Variants in ARID5B observed in about 807,000 individuals in gnomAD.
ARID5B encodes AT-rich interaction domain 5B.
A neutral mutation model predicts 97.2 loss-of-function variants in ARID5B; 13 were observed. The ratio of observed to expected loss-of-function variants is 0.13; its 90% CI spans 0.09 to 0.21. The LOEUF is 0.21. Ranked by LOEUF, ARID5B falls within the 10% of genes least tolerant of loss-of-function variation. The probability of loss-of-function intolerance (pLI) is 1.00; values close to 1 mark genes in which losing one functional copy is unlikely to be tolerated. For missense variants in ARID5B, 1,210 were observed against 1,465.3 expected, an observed-to-expected ratio of 0.83 and a Z score of 2.84; for synonymous variants, 556 against 570.3, an observed-to-expected ratio of 0.97 and a Z score of 0.36.
chr10:62,041,737 G>C (rs1049949151), intron 4 of ARID5B, among the ~76,000 whole-genome samples: 16 of 152,164 alleles, frequency 1.1e-4, no homozygotes, highest in African/African-American at 3.4e-4. Context: ...TCTGTAGAGA[G>C]GTAGCAAATC....
Position 62,093,158 on chromosome 10 carries a change from T to TA in ARID5B, c.*129dup. On this transcript the variant is annotated 3_prime_UTR_variant, in exon 10 of 10. Transcript: ENST00000279873. ...CTGAGGCTATGATCAGTCCCAGCTGTAGGGGCCCAGAGGGGAGGTGAACAT... is the reference window on the plus strand; with the variant it reads ...CTGAGGCTATGATCAGTCCCAGCTGTAAGGGGCCCAGAGGGGAGGTGAACAT... 7.2e-7 allele frequency: 1 copy of TA among 1,393,786 alleles called. No homozygotes were observed. Among genetic ancestry groups the TA allele is most frequent in the Non-Finnish European group, 9.6e-7 (1 of 1,046,268 alleles). 86.3% of individuals were successfully genotyped at this position (1,393,786 alleles called of 1,614,324 possible). A position where few individuals can be genotyped will look rare whatever the true frequency, so the allele number is the denominator to read the frequency against.
chr10:61,903,293 G>A (rs1231722204), intron 2 of ARID5B, among the ~76,000 whole-genome samples: 11 of 151,892 alleles, frequency 7.2e-5, no homozygotes, highest in Non-Finnish European at 1.6e-4. Flanking sequence ...AGCCTCCCCG[G>A]CACGTTTCTG....
chr10:61,997,089 T>C (rs1405806615), intron 3 of ARID5B, among the ~76,000 whole-genome samples: 1 of 152,068 alleles, frequency 6.6e-6, no homozygotes, highest in Non-Finnish European at 1.5e-5. Flanking sequence ...CAGTATCTGA[T>C]TCTGATGCAG....
At chr10:61,943,955 G>C (rs538904971) in intron 3 of ARID5B, among the ~76,000 whole-genome samples, 143 of 152,206 alleles carry the variant, frequency 9.4e-4, no homozygotes, top group African/African-American at 3.4e-3. Context: ...ACTCTCTAGA[G>C]TTTTCATTTA....
chr10:61,935,890 C>T (rs902117741), intron 2 of ARID5B, among the ~76,000 whole-genome samples: 27 of 152,238 alleles, frequency 1.8e-4, no homozygotes, highest in African/African-American at 5.8e-4. Context: ...ATATAGAGAG[C>T]GGAGTTCTCA....
chr10:61,917,175 A>T lies in ARID5B; in HGVS notation c.276+14762A>T, dbSNP rs1843922055. On this transcript the variant is annotated intron_variant, in intron 2 of 9. Coordinates refer to ENST00000279873, the MANE Select transcript of ARID5B (RefSeq NM_032199.3). ...ATCCTGTTTCTAGTAAAAAAAAAAAAAAAAATTAATTAAAAAAATAAAATG... is the reference window on the plus strand; with the variant it reads ...ATCCTGTTTCTAGTAAAAAAAAAAATAAAAATTAATTAAAAAAATAAAATG... 2.6e-5 allele frequency among the ~76,000 whole-genome samples: 4 copies of T among 151,940 alleles called. No individual in the cohort carries two copies. The South Asian group carries it at 8.3e-4, about 31-fold the overall frequency.
At chr10:62,058,968 T>C (rs1208830936) in intron 6 of ARID5B, among the ~76,000 whole-genome samples, 1 of 152,218 alleles carries the variant, frequency 6.6e-6, no homozygotes, top group Non-Finnish European at 1.5e-5. Context: ...CTTGCTCTGC[T>C]GATGACAGTA....
intron 8 of ARID5B, among the ~76,000 whole-genome samples, chr10:62,082,230 G>A (rs1840222804): frequency 6.6e-6 from 1 of 152,118 alleles, no homozygotes; most frequent in Admixed American, 6.5e-5. Flanking sequence ...ACCTATTTCA[G>A]ATCCATTAAT....
intron 3 of ARID5B, among the ~76,000 whole-genome samples, chr10:61,959,253 C>T (rs1356610906): frequency 6.6e-6 from 1 of 152,154 alleles, no homozygotes; most frequent in South Asian, 2.1e-4. Context: ...AACAATTTCT[C>T]CTGAAGGCAA....
At chr10:61,937,241 AT>A (rs1844321566) in intron 2 of ARID5B, among the ~76,000 whole-genome samples, 2 of 152,018 alleles carry the variant, frequency 1.3e-5, no homozygotes, top group African/African-American at 4.8e-5. Flanking sequence ...ACTGTTTTTT[AT>A]TTTTATTTTT....
chr10:61,911,972 A>C (rs2132759517), intron 2 of ARID5B, among the ~76,000 whole-genome samples: 1 of 152,252 alleles, frequency 6.6e-6, no homozygotes, highest in South Asian at 2.1e-4. Context: ...CCCTCCACCA[A>C]GGAGGGCAGC....
intron 2 of ARID5B, among the ~76,000 whole-genome samples, chr10:61,923,370 G>A (rs1019371457): frequency 6.6e-5 from 10 of 152,096 alleles, no homozygotes; most frequent in South Asian, 2.1e-4. Flanking sequence ...GCCTCTTCTC[G>A]TCCTTTTGCA....
At chr10:62,054,648 G>A (rs1364078634) in intron 5 of ARID5B, among the ~76,000 whole-genome samples, 2 of 152,200 alleles carry the variant, frequency 1.3e-5, no homozygotes, top group Non-Finnish European at 2.9e-5. Flanking sequence ...AGATGAGGAA[G>A]AGGGTTAAGC....
rs1358529969 is a variant in ARID5B, at chr10:62,093,443, C to T, written c.*413C>T. Reference sequence around the variant, plus strand: ...GGCAAACAGATGGCAAGGGATGCCCCTCTTTTTCATAAAACTCTCCAAGGT... The same window carrying T: ...GGCAAACAGATGGCAAGGGATGCCCTTCTTTTTCATAAAACTCTCCAAGGT... On this transcript the variant is annotated 3_prime_UTR_variant, in exon 10 of 10. Transcript: ENST00000279873. 3.9e-6 allele frequency: 1 copy of T among 253,500 alleles called. No homozygotes were observed. The highest frequency in any genetic ancestry group is 7.6e-6 in the Non-Finnish European group (1 of 131,580). 15.7% of individuals were successfully genotyped at this position (253,500 alleles called of 1,614,324 possible). A position where few individuals can be genotyped will look rare whatever the true frequency, so the allele number is the denominator to read the frequency against.
chr10:62,077,393 A>G (rs1840152161), intron 8 of ARID5B, among the ~76,000 whole-genome samples: 1 of 152,190 alleles, frequency 6.6e-6, no homozygotes, highest in Non-Finnish European at 1.5e-5. Context: ...AAATTCTTAA[A>G]TTTGCCTCTA....
intron 4 of ARID5B, among the ~76,000 whole-genome samples, chr10:62,048,619 G>A (rs918695786): frequency 6.6e-6 from 1 of 152,220 alleles, no homozygotes; most frequent in African/African-American, 2.4e-5. Context: ...GAATCTGCTG[G>A]GGGAGTACAT....
chr10:62,036,628 CTTTAT>C (rs1483093548), intron 4 of ARID5B, among the ~76,000 whole-genome samples: 3 of 152,182 alleles, frequency 2.0e-5, no homozygotes, highest in Admixed American at 2.0e-4. Context: ...TCCCATTTGA[CTTTAT>C]TAATTACAGT....
chr10:61,976,388 T>C (rs1838698709), intron 3 of ARID5B, among the ~76,000 whole-genome samples: 1 of 152,196 alleles, frequency 6.6e-6, no homozygotes, highest in Middle Eastern at 3.2e-3. Context: ...ATGGCTTTAA[T>C]TGCCAGTTTG....
At chr10:61,972,520 C>T (rs1460601630) in intron 3 of ARID5B, among the ~76,000 whole-genome samples, 2 of 152,284 alleles carry the variant, frequency 1.3e-5, no homozygotes, top group African/African-American at 2.4e-5. Flanking sequence ...TGAGCCACCA[C>T]TCCCGGCCTG....
Sources: allele counts gnomAD v4.1 joint callset (sites outside exome capture counted in the v4.1 genomes callset), GRCh38; gene constraint gnomAD v4.1.1; transcripts MANE v1.5; gene names NCBI Gene and HGNC (gene_info 2026-07-23, HGNC 2026-07-21).